The following HIPK3 variants were observed in gnomAD, a reference collection of about 807,000 sequenced individuals.
The protein encoded by HIPK3 is homeodomain interacting protein kinase 3.
In HIPK3, 47 loss-of-function variants were observed where a neutral mutation model predicts 124.2. That is an observed-to-expected ratio of 0.38 (90% confidence interval 0.30 to 0.48). The LOEUF (loss-of-function observed/expected upper bound fraction) is 0.48, where lower values mean the gene tolerates loss of function less well. Ranked by LOEUF, HIPK3 falls within the 20% of genes least tolerant of loss-of-function variation. The probability of loss-of-function intolerance (pLI) is 0.98; values close to 1 mark genes in which losing one functional copy is unlikely to be tolerated. For missense variants in HIPK3, 1,286 were observed against 1,454.3 expected (o/e 0.88, Z 1.88); for synonymous variants, 482 against 515.2 (o/e 0.94, Z 0.87).
chr11:33,288,124 G>A (rs1851605471), intron 2 of HIPK3, among the ~76,000 whole-genome samples: 1 of 152,126 alleles, frequency 6.6e-6, no homozygotes, highest in Admixed American at 6.6e-5. Flanking sequence ...ACCTGTATAA[G>A]GATTCAGAAA....
In HIPK3 at chr11:33,356,993, C is replaced by G. The variant is rs1853835355; in HGVS notation, c.*3425C>G. 6.6e-6 allele frequency: 1 copy of G among 152,076 alleles called. No individual in the cohort carries two copies. Among genetic ancestry groups the G allele is most frequent in the South Asian group, 2.1e-4 (1 of 4,832 alleles). The allele number at this position is 152,076 out of a possible 1,614,324, so 9.4% of individuals were successfully genotyped here. On this transcript the variant is annotated 3_prime_UTR_variant, in exon 17 of 17. Coordinates refer to ENST00000303296, the MANE Select transcript of HIPK3 (RefSeq NM_005734.5). The stretch of plus-strand genomic sequence containing the variant: ...TTTATGGTGTATTACTGTCGATTCA[C>G]TTTGAATTAAAATATATATATTGCA...
chr11:33,294,960 G>A (rs892638276), intron 2 of HIPK3, among the ~76,000 whole-genome samples: 7 of 151,964 alleles, frequency 4.6e-5, no homozygotes, highest in Non-Finnish European at 8.8e-5. Context: ...ATATCATAAT[G>A]ATGTCATTCT....
intron 2 of HIPK3, among the ~76,000 whole-genome samples, chr11:33,311,273 C>G (rs1419344507): frequency 6.6e-6 from 1 of 152,108 alleles, no homozygotes; most frequent in African/African-American, 2.4e-5. Context: ...ACAGCATTGA[C>G]CCCCTGGGCT....
Position 33,355,642 on chromosome 11 carries a change from C to T in HIPK3, c.*2074C>T, listed in dbSNP as rs937713124. The T allele has an allele frequency of 3.3e-5, 5 of 151,930 alleles. No individual in the cohort carries two copies. Among genetic ancestry groups the T allele is most frequent in the African/African-American group, 1.2e-4 (5 of 41,412 alleles). The allele number at this position is 151,930 out of a possible 1,614,324, so 9.4% of individuals were successfully genotyped here. On this transcript the variant is annotated 3_prime_UTR_variant, in exon 17 of 17. Coordinates refer to ENST00000303296, the MANE Select transcript of HIPK3 (RefSeq NM_005734.5). The stretch of plus-strand genomic sequence containing the variant: ...ATAAGTTTTCTTCACTCCATTAACA[C>T]AAGCAGTGTTTTATTTAATAATCAT...
At chr11:33,296,230 A>G (rs556397491) in intron 2 of HIPK3, among the ~76,000 whole-genome samples, 20 of 152,282 alleles carry the variant, frequency 1.3e-4, no homozygotes, top group Non-Finnish European at 2.8e-4. Flanking sequence ...TCCCTGTGGT[A>G]TGGCCGCATC....
intron 1 of HIPK3, among the ~76,000 whole-genome samples, chr11:33,259,989 CATG>C (rs200730567): frequency 0.01 from 1,563 of 152,194 alleles, 7 homozygotes; most frequent in Non-Finnish European, 0.015. Flanking sequence ...CAGATCATAA[CATG>C]ATAAGTCAGC....
chr11:33,257,346 C>G, upstream of HIPK3: 4 of 984,454 alleles, frequency 4.1e-6, no homozygotes, highest in Non-Finnish European at 4.8e-6. Context: ...CCGAGGCCGA[C>G]GAGCGCGGAG....
chr11:33,337,145 G>T lies in HIPK3; in HGVS notation c.1292G>T (p.Arg431Ile). 1 of 1,580,972 alleles carries T rather than the reference G, an allele frequency of 6.3e-7. No individual in the cohort carries two copies. Among genetic ancestry groups the T allele is most frequent in the Non-Finnish European group, 8.7e-7 (1 of 1,151,378 alleles). The part of the protein sequence containing the change: ...QLLNVGTKST[R>I]FFCKETDMSH... The stretch of plus-strand genomic sequence containing the variant: ...TTAAATGTGGGTACTAAATCCACAA[G>T]ATTTTTTTGCAAAGAAACAGATATG... Residue 431 changes from arginine (R) to isoleucine (I), a missense_variant, in exon 4 of 17, where the codon AGA (arginine) becomes ATA (isoleucine). Coordinates refer to ENST00000303296, the MANE Select transcript of HIPK3 (RefSeq NM_005734.5).
In HIPK3 at chr11:33,273,286, C is replaced by T. The variant is rs1009136834; in HGVS notation, c.-2-13127C>T. ...TTGGGAGGCCGAGGCGGGCAGATCA[C>T]GAGGTCAGGAGATCAAGACCATCCT... On this transcript the variant is annotated intron_variant, in intron 1 of 16. Coordinates refer to ENST00000303296, the MANE Select transcript of HIPK3 (RefSeq NM_005734.5). Among the ~76,000 whole-genome samples the T allele has an allele frequency of 3.3e-5, 5 of 152,010 alleles. No homozygotes were observed. The South Asian group carries it at 6.2e-4, about 19-fold the overall frequency.
At position 33,353,377 on chromosome 11, in the gene HIPK3, A is replaced by G. The variant is rs1325864134; in HGVS notation, c.3457A>G (p.Asn1153Asp). 1 of 1,614,092 alleles carries G rather than the reference A, an allele frequency of 6.2e-7. No individual in the cohort carries two copies. Among genetic ancestry groups the G allele is most frequent in the Non-Finnish European group, 8.5e-7 (1 of 1,179,996 alleles). The change falls in exon 17 of 17, where the codon AAT (asparagine) becomes GAT (aspartate). Residue 1153 changes from asparagine (N) to aspartate (D), a missense_variant. By Grantham distance (23) the Asn-to-Asp change is conservative. Transcript: ENST00000303296. ...SRPMLQHPTY[N>D]ISHPSGIVHQ... is the part of the protein sequence containing the mutation. ...ACCTATGTTACAGCATCCAACTTAT[A>G]ATATCTCCCATCCCAGTGGCATAGT...
chr11:33,309,637 A>G (rs1361353348), intron 2 of HIPK3, among the ~76,000 whole-genome samples: 2 of 152,218 alleles, frequency 1.3e-5, no homozygotes, highest in Non-Finnish European at 2.9e-5. Context: ...TGGGGTTCAG[A>G]TTATACAGCA....
At chr11:33,306,692 G>C (rs1468182293) in intron 2 of HIPK3, among the ~76,000 whole-genome samples, 2 of 152,116 alleles carry the variant, frequency 1.3e-5, no homozygotes, top group African/African-American at 4.8e-5. Flanking sequence ...TTGTTGTGAA[G>C]GTTAAACTCC....
Position 33,355,061 on chromosome 11 carries a change from C to T in HIPK3, c.*1493C>T, listed in dbSNP as rs1853780851. On this transcript the variant is annotated 3_prime_UTR_variant, in exon 17 of 17. Transcript: ENST00000303296. ...CTTACAGGCAAGTAATAAATTGTAT[C>T]ATTTATCTTGAATGTATCATAGATA... The T allele has an allele frequency of 6.6e-6, 1 of 152,040 alleles. No individual in the cohort carries two copies. Among genetic ancestry groups the T allele is most frequent in the South Asian group, 2.1e-4 (1 of 4,834 alleles). 9.4% of individuals were successfully genotyped at this position (152,040 alleles called of 1,614,324 possible).
Position 33,355,102 on chromosome 11 carries a change from A to G in HIPK3, c.*1534A>G, listed in dbSNP as rs1346340209. Reference sequence around the variant, plus strand: ...ATCATAGATAAGCTGCTATATAACGATTGCCACTTCAGATAGCTGTGAAAT... The same window carrying G: ...ATCATAGATAAGCTGCTATATAACGGTTGCCACTTCAGATAGCTGTGAAAT... On this transcript the variant is annotated 3_prime_UTR_variant, in exon 17 of 17. Coordinates refer to ENST00000303296, the MANE Select transcript of HIPK3 (RefSeq NM_005734.5). 1 of 152,060 alleles carries G rather than the reference A, an allele frequency of 6.6e-6. No homozygotes were observed. Among genetic ancestry groups the G allele is most frequent in the Non-Finnish European group, 1.5e-5 (1 of 67,946 alleles). The allele number at this position is 152,060 out of a possible 1,614,324, so 9.4% of individuals were successfully genotyped here. A position where few individuals can be genotyped will look rare whatever the true frequency, so the allele number is the denominator to read the frequency against.
At chr11:33,301,635 A>C (rs948619924) in intron 2 of HIPK3, among the ~76,000 whole-genome samples, 4 of 151,552 alleles carry the variant, frequency 2.6e-5, no homozygotes, top group Admixed American at 6.6e-5. Context: ...AAAAAAAAAA[A>C]AACTTGGGCA....
At chr11:33,270,547 T>C (rs1402098527) in intron 1 of HIPK3, among the ~76,000 whole-genome samples, 1 of 152,222 alleles carries the variant, frequency 6.6e-6, no homozygotes, top group African/African-American at 2.4e-5. Flanking sequence ...AACAACTGTA[T>C]GAAACTGCTT....
chr11:33,257,369 G>A (rs1393739396), upstream of HIPK3: 5 of 984,782 alleles, frequency 5.1e-6, no homozygotes, highest in Non-Finnish European at 6.0e-6. Flanking sequence ...GGGGCCCGAG[G>A]CTGGGGCGGC....
At chr11:33,278,705 G>A (rs1360573556) in intron 1 of HIPK3, among the ~76,000 whole-genome samples, 1 of 152,090 alleles carries the variant, frequency 6.6e-6, no homozygotes. Context: ...TTAGCCGGGC[G>A]TGGTGGTGGA....
intron 2 of HIPK3, among the ~76,000 whole-genome samples, chr11:33,311,837 T>TACACAC (rs370396153): frequency 0.07 from 7,264 of 104,386 alleles, 593 homozygotes; most frequent in African/African-American, 0.15. Context: ...ACCCTGTTTC[T>TACACAC]ACACACACAC....
Sources: gnomAD v4.1 joint callset for allele counts (sites outside exome capture counted in the v4.1 genomes callset) on GRCh38, gnomAD v4.1.1 for gene constraint, MANE v1.5 for transcripts, NCBI Gene and HGNC (gene_info 2026-07-23, HGNC 2026-07-21) for gene names.